Variants in ARHGAP6 observed in about 807,000 individuals in gnomAD.
ARHGAP6 encodes rho GTPase-activating protein 6.
A neutral mutation model predicts 55.7 loss-of-function variants in ARHGAP6; 16 were observed. That is an observed-to-expected ratio of 0.29 (90% CI 0.19 to 0.44). The LOEUF (loss-of-function observed/expected upper bound fraction) is 0.44. ARHGAP6 is among the 20% of genes least tolerant of loss of function. The pLI, the probability that ARHGAP6 is intolerant of heterozygous loss-of-function variation, is 1.00. For synonymous variants in ARHGAP6, 382 were observed against 360.9 expected (o/e 1.06, Z -0.66); for missense variants, 698 against 808.9 (o/e 0.86, Z 1.66).
chrX:11,598,747 A>T (rs1445579836), intron 1 of ARHGAP6, among the ~76,000 whole-genome samples: 1 of 112,227 alleles, frequency 8.9e-6, no homozygotes, highest in Non-Finnish European at 1.9e-5. Context: ...TTCTAAATAC[A>T]TAATTTCCAT....
intron 1 of ARHGAP6, among the ~76,000 whole-genome samples, chrX:11,456,014 T>C (rs1783480158): frequency 8.9e-6 from 1 of 112,125 alleles, no homozygotes; most frequent in Non-Finnish European, 1.9e-5. Flanking sequence ...AAGAGTTCAG[T>C]AAGGTGGCTG....
intron 1 of ARHGAP6, among the ~76,000 whole-genome samples, chrX:11,518,538 T>A (rs1158180793): frequency 1.0e-5 from 1 of 100,085 alleles, no homozygotes; most frequent in Non-Finnish European, 2.0e-5. Context: ...GTCTACTCCA[T>A]CAGAGTAACA....
intron 1 of ARHGAP6, among the ~76,000 whole-genome samples, chrX:11,566,291 G>C (rs1482013461): frequency 2.7e-5 from 3 of 112,021 alleles, no homozygotes; most frequent in African/African-American, 9.7e-5. Flanking sequence ...AATAATGCTA[G>C]CATATAGAGA....
At chrX:11,310,387 A>C (rs1383128068) in intron 1 of ARHGAP6, among the ~76,000 whole-genome samples, 1 of 110,877 alleles carries the variant, frequency 9.0e-6, no homozygotes, top group Non-Finnish European at 1.9e-5. Context: ...CTTGCATATG[A>C]ATGTTCCTAA....
At chrX:11,209,203 G>T (rs773260496) in intron 2 of ARHGAP6, among the ~76,000 whole-genome samples, 56 of 112,427 alleles carry the variant, frequency 5.0e-4, no homozygotes, top group African/African-American at 1.8e-3. Context: ...GTGCAGCGGC[G>T]TAATCGAGGC....
intron 1 of ARHGAP6, among the ~76,000 whole-genome samples, chrX:11,352,350 AC>A (rs1407524620): frequency 8.9e-6 from 1 of 112,218 alleles, no homozygotes; most frequent in Non-Finnish European, 1.9e-5. Context: ...CCTTAAGTAC[AC>A]ACTGTTAACT....
At chrX:11,296,880 G>A in intron 1 of ARHGAP6, 1 of 1,155,907 alleles carries the variant, frequency 8.7e-7, no homozygotes, top group Non-Finnish European at 1.2e-6. Context: ...AATGCCCTGG[G>A]CTCTGTAAAG....
rs749945756 is a variant in ARHGAP6, at chrX:11,517,136, G to C, written c.588+147105C>G. Among the ~76,000 whole-genome samples, 7 of 112,007 alleles carry C rather than the reference G, an allele frequency of 6.2e-5. No individual in the cohort carries two copies. In the East Asian group the frequency reaches 2.0e-3, roughly 31 times the overall value. ...AGGTAGACTGAGGCTGGCTAATGTA[G>C]GCTGGGCTCTGCTTCACATGTCATT... On this transcript the variant is annotated intron_variant, in intron 1 of 12. Transcript: ENST00000337414.
At chrX:11,635,188 T>C (rs1452629918) in intron 1 of ARHGAP6, among the ~76,000 whole-genome samples, 1 of 112,108 alleles carries the variant, frequency 8.9e-6, no homozygotes, top group African/African-American at 3.2e-5. Context: ...CCCAAAGTTG[T>C]CATCTCTTAT....
At chrX:11,570,728 T>C (rs915151824) in intron 1 of ARHGAP6, among the ~76,000 whole-genome samples, 1 of 111,823 alleles carries the variant, frequency 8.9e-6, no homozygotes, top group African/African-American at 3.3e-5. Flanking sequence ...ATTACTTTGG[T>C]GCATAATTTT....
intron 1 of ARHGAP6, among the ~76,000 whole-genome samples, chrX:11,592,508 T>G (rs757706929): frequency 1.8e-5 from 2 of 111,555 alleles, no homozygotes; most frequent in Non-Finnish European, 1.9e-5. Context: ...ATGTTTTTAT[T>G]ATATAGGCAG....
At chrX:11,229,229 A>G (rs1393307219) in intron 2 of ARHGAP6, among the ~76,000 whole-genome samples, 2 of 112,282 alleles carry the variant, frequency 1.8e-5, no homozygotes, top group Admixed American at 1.9e-4. Context: ...GGCCTTTCAA[A>G]ATTATTAAAC....
intron 1 of ARHGAP6, among the ~76,000 whole-genome samples, chrX:11,615,493 T>C (rs1569060478): frequency 9.0e-6 from 1 of 111,598 alleles, no homozygotes; most frequent in African/African-American, 3.3e-5. Flanking sequence ...GTGTACCCTA[T>C]CAGAGCTGAG....
At chrX:11,491,752 T>A (rs1009266823) in intron 1 of ARHGAP6, among the ~76,000 whole-genome samples, 1 of 110,659 alleles carries the variant, frequency 9.0e-6, no homozygotes, top group Non-Finnish European at 1.9e-5. Context: ...CTGGTTCAAA[T>A]GGTATTTCTA....
intron 5 of ARHGAP6, among the ~76,000 whole-genome samples, chrX:11,183,119 G>A (rs1463849696): frequency 9.0e-6 from 1 of 110,974 alleles, no homozygotes; most frequent in Admixed American, 9.6e-5. Context: ...CTACAAATTG[G>A]GTGTAGTGTA....
At chrX:11,314,072 C>T (rs1465480762) in intron 1 of ARHGAP6, among the ~76,000 whole-genome samples, 22 of 112,255 alleles carry the variant, frequency 2.0e-4, no homozygotes, top group Non-Finnish European at 1.5e-4. Flanking sequence ...AATTATTGTG[C>T]GTGTTCAGGA....
intron 1 of ARHGAP6, among the ~76,000 whole-genome samples, chrX:11,495,708 C>G (rs1430542346): frequency 2.7e-5 from 3 of 112,062 alleles, no homozygotes; most frequent in African/African-American, 9.7e-5. Flanking sequence ...CAATCTCTTC[C>G]CTTTGAGCGT....
At chrX:11,422,087 T>C (rs973525735) in intron 1 of ARHGAP6, among the ~76,000 whole-genome samples, 3 of 111,572 alleles carry the variant, frequency 2.7e-5, no homozygotes, top group African/African-American at 6.5e-5. Flanking sequence ...ACTTACACAC[T>C]AGTCAGAGGA....
chrX:11,186,663 C>T (rs1229061560), intron 4 of ARHGAP6, among the ~76,000 whole-genome samples: 4 of 111,890 alleles, frequency 3.6e-5, no homozygotes, highest in African/African-American at 1.3e-4. Context: ...ACAATTTCAA[C>T]AATAGACAAC....
Sources: allele counts gnomAD v4.1 joint callset (sites outside exome capture counted in the v4.1 genomes callset), GRCh38; gene constraint gnomAD v4.1.1; transcripts MANE v1.5; gene names NCBI Gene and HGNC (gene_info 2026-07-23, HGNC 2026-07-21).